The following CIMAP1C variants were observed in gnomAD, a reference collection of about 807,000 sequenced individuals.
CIMAP1C encodes the protein outer dense fiber of sperm tails 3 like 1.
At chr15:75,726,167 C>G in the CIMAP1C span, 1 of 1,605,624 alleles carries the variant, frequency 6.2e-7, no homozygotes, top group Non-Finnish European at 8.5e-7. Flanking sequence ...GCATCTCCAA[C>G]CTGCGTAAGA....
chr15:75,726,772 C>T, the CIMAP1C span, among the ~76,000 whole-genome samples: 7 of 152,086 alleles, frequency 4.6e-5, no homozygotes, highest in East Asian at 1.9e-4. Context: ...CACGCCACCA[C>T]GCCCAGCTAA....
At chr15:75,724,753 C>A in the CIMAP1C span, among the ~76,000 whole-genome samples, 19 of 152,152 alleles carry the variant, frequency 1.2e-4, no homozygotes, top group Non-Finnish European at 1.9e-4. Flanking sequence ...TATTTCTAAG[C>A]CTCAATATTC....
the CIMAP1C span, chr15:75,726,310 G>A: frequency 1.9e-5 from 12 of 622,244 alleles, no homozygotes; most frequent in Non-Finnish European, 2.9e-5. Context: ...GCAAGACACC[G>A]ACATTGCAAT....
the CIMAP1C span, chr15:75,727,480 C>G: frequency 6.2e-7 from 1 of 1,612,208 alleles, no homozygotes; most frequent in South Asian, 1.1e-5. Flanking sequence ...TCCCTGCTTT[C>G]ACCATGGGCA....
the CIMAP1C span, chr15:75,726,083 G>T: frequency 1.9e-6 from 3 of 1,613,900 alleles, no homozygotes; most frequent in Non-Finnish European, 2.5e-6. Flanking sequence ...GCAGCCCTGG[G>T]CCTTGCTATC....
chr15:75,724,318 G>C, the CIMAP1C span: 1 of 1,603,896 alleles, frequency 6.2e-7, no homozygotes, highest in Non-Finnish European at 8.5e-7. Flanking sequence ...AAGATCAAAG[G>C]TGAGAGCCAT....
chr15:75,726,213 G>T, the CIMAP1C span: 277 of 1,241,564 alleles, frequency 2.2e-4, 4 homozygotes, highest in South Asian at 3.0e-3. Flanking sequence ...TTGGGAGGTT[G>T]GGGGGTGGGG....
At chr15:75,727,483 C>T in the CIMAP1C span, 1 of 1,612,006 alleles carries the variant, frequency 6.2e-7, no homozygotes, top group East Asian at 2.2e-5. Flanking sequence ...CTGCTTTCAC[C>T]ATGGGCATCA....
At chr15:75,724,455 C>T in the CIMAP1C span, 2 of 677,368 alleles carry the variant, frequency 3.0e-6, no homozygotes, top group Non-Finnish European at 5.4e-6. Flanking sequence ...CCCTCACAGG[C>T]AGTGTTGGCT....
At chr15:75,724,979 T>C in the CIMAP1C span, 11 of 624,398 alleles carry the variant, frequency 1.8e-5, no homozygotes, top group East Asian at 3.0e-4. Context: ...GGATGGATGC[T>C]GGGCTCGTGG....
At chr15:75,726,526 G>A in the CIMAP1C span, among the ~76,000 whole-genome samples, 1 of 152,108 alleles carries the variant, frequency 6.6e-6, no homozygotes, top group African/African-American at 2.4e-5. Flanking sequence ...GTAATCCAAG[G>A]GGAATGTTAT....
chr15:75,725,103 T>C, the CIMAP1C span: 1 of 1,609,050 alleles, frequency 6.2e-7, no homozygotes. Flanking sequence ...TGTCCATCCT[T>C]ACAGGTCCGG....
the CIMAP1C span, chr15:75,726,991 G>T: frequency 1.8e-5 from 28 of 1,551,642 alleles, 1 homozygote; most frequent in Non-Finnish European, 7.8e-6. Context: ...AGGACCATCA[G>T]TTGGCTAGCA....
At chr15:75,725,192 C>A in the CIMAP1C span, 1 of 1,613,554 alleles carries the variant, frequency 6.2e-7, no homozygotes, top group Non-Finnish European at 8.5e-7. Context: ...CCAGCTTATA[C>A]CCTGCATAGC....
At chr15:75,725,122 A>G in the CIMAP1C span, 1 of 1,613,892 alleles carries the variant, frequency 6.2e-7, no homozygotes, top group Non-Finnish European at 8.5e-7. Flanking sequence ...GGGGCCCGCC[A>G]AGTACCTCCG....
At chr15:75,725,101 C>T in the CIMAP1C span, 2 of 1,605,956 alleles carry the variant, frequency 1.2e-6, no homozygotes, top group South Asian at 1.1e-5. Flanking sequence ...CCTGTCCATC[C>T]TTACAGGTCC....
the CIMAP1C span, chr15:75,725,086 G>A: frequency 1.3e-6 from 2 of 1,562,844 alleles, no homozygotes; most frequent in Admixed American, 3.3e-5. Flanking sequence ...CAGGCTGAGG[G>A]CTGTCCTGTC....
chr15:75,726,194 T>C, the CIMAP1C span: 12 of 1,369,236 alleles, frequency 8.8e-6, no homozygotes, highest in African/African-American at 1.5e-4. Context: ...TATGGACAGA[T>C]GTTGGGGGTT....
At chr15:75,727,188 C>A in the CIMAP1C span, 1 of 1,614,158 alleles carries the variant, frequency 6.2e-7, no homozygotes, top group Non-Finnish European at 8.5e-7. Context: ...AACCCGGCTC[C>A]CAACCAGTAC....
Sources: allele counts gnomAD v4.1 joint callset (sites outside exome capture counted in the v4.1 genomes callset), GRCh38; gene constraint gnomAD v4.1.1; transcripts MANE v1.5; gene names NCBI Gene and HGNC (gene_info 2026-07-23, HGNC 2026-07-21).